CCDC88A: variants seen among roughly 807,000 people sequenced by gnomAD.
The protein encoded by CCDC88A is coiled-coil and HOOK domain protein 88A.
A neutral mutation model predicts 234.3 loss-of-function variants in CCDC88A; 54 were observed. That is an observed-to-expected ratio of 0.23 (90% CI 0.19 to 0.29). The LOEUF is 0.29. Among genes scored for constraint, CCDC88A ranks in the 10% least tolerant of loss-of-function variants. CCDC88A has a pLI of 1.00. For synonymous variants in CCDC88A, 753 were observed against 737.8 expected, an observed-to-expected ratio of 1.02 and a Z score of -0.33; for missense variants, 1,832 against 2,123.4, an observed-to-expected ratio of 0.86 and a Z score of 2.70.
chr2:55,362,570 T>G (rs1263527708), intron 6 of CCDC88A, 122 bp from the exon 7 acceptor site: 1 of 697,686 alleles, frequency 1.4e-6, no homozygotes, highest in Non-Finnish European at 2.2e-6. Flanking sequence ...AAAGCCAATA[T>G]GATGTTAAAA....
chr2:55,413,157 G>C (rs1574527327), intron 2 of CCDC88A, among the ~76,000 whole-genome samples: 1 of 152,098 alleles, frequency 6.6e-6, no homozygotes, highest in Non-Finnish European at 1.5e-5. Context: ...GCAGTGGGTT[G>C]CGATTGTGCC....
In CCDC88A at chr2:55,334,424, G is replaced by A; in HGVS notation, c.2397C>T (p.Asn799=). The change falls in exon 15 of 33, where the codon AAC becomes AAT. Residue 799 remains asparagine, a synonymous_variant. Transcript: ENST00000436346. This position sits in a 1 kb window ranked among gnomAD's most constrained non-coding sequence, Gnocchi z 6.1. ...TGCTAGATATTTTTAGTTCTTCTAGGTTTTTCTGCAATGTTTGATTTTCCA... is the reference window on the plus strand; with the variant it reads ...TGCTAGATATTTTTAGTTCTTCTAGATTTTTCTGCAATGTTTGATTTTCCA... ...LEMENQTLQK[N]LEELKISSKR... 1 of 1,580,956 alleles carries A rather than the reference G, an allele frequency of 6.3e-7. No individual in the cohort carries two copies.
intron 2 of CCDC88A, among the ~76,000 whole-genome samples, chr2:55,395,552 CA>C (rs1223585685): frequency 6.6e-6 from 1 of 152,024 alleles, no homozygotes; most frequent in African/African-American, 2.4e-5. Flanking sequence ...TAAAAATTAC[CA>C]TATTTCCTAA....
chr2:55,375,622 G>A (rs1228462221), intron 3 of CCDC88A, among the ~76,000 whole-genome samples: 3 of 150,762 alleles, frequency 2.0e-5, no homozygotes, highest in Non-Finnish European at 4.4e-5. Context: ...CCGCCTCCTG[G>A]GTTCAAGCAA....
At chr2:55,376,100 G>C (rs978099093) in intron 3 of CCDC88A, among the ~76,000 whole-genome samples, 3 of 152,092 alleles carry the variant, frequency 2.0e-5, no homozygotes, top group African/African-American at 7.2e-5. Flanking sequence ...AATACATCAA[G>C]TATGCACCTT....
In CCDC88A at chr2:55,332,713, A is replaced by G. The variant is rs755858924; in HGVS notation, c.2728-20T>C. The stretch of plus-strand genomic sequence containing the variant: ...CAAATCCTTATTTTAAAAGAAATGC[A>G]AAACTCACCTAAGTGTCAAGGGTAT... On this transcript the variant is annotated intron_variant, in intron 15 of 32. Coordinates refer to ENST00000436346, the MANE Select transcript of CCDC88A (RefSeq NM_001365480.1). This position sits in a 1 kb window ranked among gnomAD's most constrained non-coding sequence, Gnocchi z 4.5. 2 of 1,611,230 alleles carry G rather than the reference A, an allele frequency of 1.2e-6. No individual in the cohort carries two copies. The highest frequency in any genetic ancestry group is 1.7e-6 in the Non-Finnish European group (2 of 1,178,378).
In CCDC88A at chr2:55,343,640, G is replaced by A; in HGVS notation, c.1333+8C>T. 6.3e-7 allele frequency: 1 copy of A among 1,581,806 alleles called. No homozygotes were observed. The highest frequency in any genetic ancestry group is 2.3e-5 in the East Asian group (1 of 44,366). ...ATTATCTATTTAAATTAAAAAAATTGGGAATACCTTCGGAAAGTTCACTAG... is the reference window on the plus strand; with the variant it reads ...ATTATCTATTTAAATTAAAAAAATTAGGAATACCTTCGGAAAGTTCACTAG... On this transcript the variant is annotated splice_region_variant and intron_variant, in intron 12 of 32. Coordinates refer to ENST00000436346, the MANE Select transcript of CCDC88A (RefSeq NM_001365480.1).
intron 29 of CCDC88A, among the ~76,000 whole-genome samples, chr2:55,299,175 G>T (rs925053987): frequency 2.6e-5 from 4 of 152,212 alleles, no homozygotes; most frequent in African/African-American, 7.2e-5. Context: ...CTGCACTCCA[G>T]CCTGGGCGAC....
chr2:55,356,225 C>T (rs981796493), intron 7 of CCDC88A: 1 of 152,366 alleles, frequency 6.6e-6, no homozygotes, highest in Non-Finnish European at 1.5e-5. Flanking sequence ...GTTCAGCTTC[C>T]ACTTATAAGT....
At chr2:55,374,278 G>A (rs1673262779) in intron 4 of CCDC88A, among the ~76,000 whole-genome samples, 1 of 152,110 alleles carries the variant, frequency 6.6e-6, no homozygotes, top group South Asian at 2.1e-4. Flanking sequence ...TGAGGCAGGA[G>A]AATCGCTTGA....
At chr2:55,318,258 T>C (rs920675029) in intron 19 of CCDC88A, among the ~76,000 whole-genome samples, 1 of 152,170 alleles carries the variant, frequency 6.6e-6, no homozygotes, top group Non-Finnish European at 1.5e-5. Context: ...ATTAAATAAG[T>C]ATTTTCTTTA....
At chr2:55,391,712 G>A (rs1676685503) in intron 2 of CCDC88A, among the ~76,000 whole-genome samples, 1 of 152,146 alleles carries the variant, frequency 6.6e-6, no homozygotes, top group Non-Finnish European at 1.5e-5. Flanking sequence ...AATAAAAACA[G>A]TCCAAAGAAG....
intron 8 of CCDC88A, among the ~76,000 whole-genome samples, chr2:55,353,649 CAA>C (rs34022778): frequency 0.053 from 4,060 of 77,212 alleles, 141 homozygotes; most frequent in African/African-American, 0.17. Context: ...GAAACCAAAC[CAA>C]AAAAAAAAAA....
intron 31 of CCDC88A, chr2:55,294,758 C>T (rs1235630704): frequency 2.0e-6 from 2 of 1,001,694 alleles, no homozygotes; most frequent in Admixed American, 5.5e-5. Context: ...TTTTAACATG[C>T]TTCTGGATAT....
rs3762508 is a variant in CCDC88A, at chr2:55,364,031, A to T, written c.405T>A (p.Cys135Ter). 1 of 1,454,528 alleles carries T rather than the reference A, an allele frequency of 6.9e-7. No homozygotes were observed. The highest frequency in any genetic ancestry group is 1.4e-5 in the African/African-American group (1 of 71,718). The allele number at this position is 1,454,528 out of a possible 1,614,324, so 90.1% of individuals were successfully genotyped here. The change falls in exon 6 of 33, where the codon TGT becomes TGA. Residue 135 changes from cysteine to a stop codon, truncating the protein, a stop_gained and splice_region_variant. Transcript: ENST00000436346. LOFTEE classifies it high-confidence loss of function. ...TTTCAATAAATTCCTCTTTTTTCTG[A>T]CACTAAAATAAATGAATAAAATAGT... The part of the protein sequence containing the change: ...LLLLLGCAVQ[C>*]QKKEEFIERI...
intron 2 of CCDC88A, among the ~76,000 whole-genome samples, chr2:55,416,203 G>C (rs1681355413): frequency 6.6e-6 from 1 of 151,576 alleles, no homozygotes; most frequent in Non-Finnish European, 1.5e-5. Flanking sequence ...AATTTCTAAA[G>C]ATGAAGTTAT....
chr2:55,413,524 C>T (rs1680840732), intron 2 of CCDC88A, among the ~76,000 whole-genome samples: 1 of 152,144 alleles, frequency 6.6e-6, no homozygotes. Flanking sequence ...ACATAAGGCT[C>T]AAATTCATTC....
Position 55,335,254 on chromosome 2 carries a change from CA to C in CCDC88A, c.1657-91del, listed in dbSNP as rs985666897. The C allele has an allele frequency of 1.9e-5, 15 of 778,052 alleles. No homozygotes were observed. The highest frequency in any genetic ancestry group is 4.0e-4 in the Middle Eastern group (1 of 2,496). 48.2% of individuals were successfully genotyped at this position (778,052 alleles called of 1,614,324 possible). ...CCAAAAACTACCAAGAAAAGGGGAA[CA>C]AAAAAAGGGTGCTAGAACATGTCTT... is the stretch of plus-strand genomic sequence containing the variant. On this transcript the variant is annotated intron_variant, in intron 14 of 32. Transcript: ENST00000436346. This position sits in a 1 kb window ranked among gnomAD's most constrained non-coding sequence, Gnocchi z 4.5.
intron 25 of CCDC88A, among the ~76,000 whole-genome samples, chr2:55,306,620 C>T (rs1387912366): frequency 3.3e-5 from 5 of 152,172 alleles, no homozygotes; most frequent in Non-Finnish European, 7.3e-5. Context: ...AAGTCTCGCC[C>T]TGTCACCTAG....
Sources: allele counts gnomAD v4.1 joint callset (sites outside exome capture counted in the v4.1 genomes callset), GRCh38; gene constraint gnomAD v4.1.1; non-coding constraint Gnocchi (gnomAD v3.1); transcripts MANE v1.5; gene names NCBI Gene and HGNC (gene_info 2026-07-23, HGNC 2026-07-21).